RHOBTB2: variants seen among roughly 807,000 people sequenced by gnomAD.
The protein encoded by RHOBTB2 is rho-related BTB domain-containing protein 2.
In RHOBTB2, 39 loss-of-function variants were observed where a neutral mutation model predicts 66.5. The ratio of observed to expected loss-of-function variants is 0.59; its 90% confidence interval spans 0.45 to 0.77. The LOEUF (loss-of-function observed/expected upper bound fraction) is 0.77. Among genes scored for constraint, RHOBTB2 ranks in the 30% least tolerant of loss-of-function variants. RHOBTB2 has a pLI of 0.00. For synonymous variants in RHOBTB2, 390 were observed against 395.0 expected, an observed-to-expected ratio of 0.99 and a Z score of 0.15; for missense variants, 755 against 999.1, an observed-to-expected ratio of 0.76 and a Z score of 3.29.
At chr8:22,968,182 A>G in the RHOBTB2 span, among the ~76,000 whole-genome samples, 6 of 152,160 alleles carry the variant, frequency 3.9e-5, no homozygotes, top group African/African-American at 1.4e-4. Context: ...TTAAAATGGT[A>G]AGTTTTATGT....
chr8:23,011,149 G>C (rs954609893), intron 7 of RHOBTB2, among the ~76,000 whole-genome samples: 4 of 152,206 alleles, frequency 2.6e-5, no homozygotes, highest in East Asian at 1.9e-4. Flanking sequence ...AGCTACTCGG[G>C]AGGCTGAGGC....
intron 1 of RHOBTB2, among the ~76,000 whole-genome samples, chr8:22,988,070 C>A (rs771693735): frequency 2.0e-5 from 3 of 152,108 alleles, no homozygotes; most frequent in Non-Finnish European, 2.9e-5. Flanking sequence ...AAAGGGCCGC[C>A]TAGGCCCTCA....
At position 23,004,739 on chromosome 8, in the gene RHOBTB2, A is replaced by C. The variant is rs1810897409; in HGVS notation, c.192+113A>C. ...CTCACGGGAGCCCTCTAGGGGTGGG[A>C]CAGGATGGGTTGGGGGCAGCTGAAG... On this transcript the variant is annotated intron_variant, in intron 2 of 9. Transcript: ENST00000251822. The surrounding 1 kb of genome is among the most constrained non-coding windows in gnomAD (Gnocchi z 6.4). 9.6e-7 allele frequency: 1 copy of C among 1,044,672 alleles called. No individual in the cohort carries two copies. 64.7% of individuals were successfully genotyped at this position (1,044,672 alleles called of 1,614,324 possible).
At chr8:23,011,538 G>C (rs775315026) in intron 7 of RHOBTB2, among the ~76,000 whole-genome samples, 1 of 152,178 alleles carries the variant, frequency 6.6e-6, no homozygotes, top group Non-Finnish European at 1.5e-5. Flanking sequence ...TCAGCTTTTA[G>C]TGTGGACAAA....
At chr8:22,982,310 T>C in the RHOBTB2 span, among the ~76,000 whole-genome samples, 1 of 152,196 alleles carries the variant, frequency 6.6e-6, no homozygotes, top group Non-Finnish European at 1.5e-5. Flanking sequence ...AATAGTCTTC[T>C]TGCCACTCCT....
chr8:22,964,470 A>G, the RHOBTB2 span, among the ~76,000 whole-genome samples: 1 of 152,284 alleles, frequency 6.6e-6, no homozygotes, highest in East Asian at 1.9e-4. Context: ...AAGACCATTT[A>G]TTGTGCTATT....
chr8:23,007,777 T>C (rs1283198354), intron 5 of RHOBTB2, 31 bp downstream of exon 5: 1 of 1,603,586 alleles, frequency 6.2e-7, no homozygotes, highest in Non-Finnish European at 8.5e-7. Context: ...GCAAGGGGGT[T>C]CTGCATTGGT....
At chr8:22,995,667 T>G (rs143236548), upstream of RHOBTB2, among the ~76,000 whole-genome samples, 52 of 152,300 alleles carry the variant, frequency 3.4e-4, no homozygotes, top group African/African-American at 1.2e-3. Flanking sequence ...GCTTTCCAGA[T>G]TCAGCTCCTT....
At chr8:22,977,878 C>G in the RHOBTB2 span, 1 of 151,900 alleles carries the variant, frequency 6.6e-6, no homozygotes, top group Non-Finnish European at 1.5e-5. Context: ...AGGAGTAATG[C>G]CAGGCATGGT....
At chr8:22,977,693 A>G in the RHOBTB2 span, among the ~76,000 whole-genome samples, 5 of 152,232 alleles carry the variant, frequency 3.3e-5, no homozygotes, top group East Asian at 7.7e-4. Flanking sequence ...TGATAGTAGT[A>G]TTAGGCAACT....
the RHOBTB2 span, among the ~76,000 whole-genome samples, chr8:22,959,102 A>C: frequency 6.6e-6 from 1 of 152,246 alleles, no homozygotes; most frequent in Non-Finnish European, 1.5e-5. Flanking sequence ...TAGGGGATGT[A>C]TCAGAGGCAT....
chr8:22,970,468 G>C, the RHOBTB2 span, among the ~76,000 whole-genome samples: 1 of 152,142 alleles, frequency 6.6e-6, no homozygotes. Context: ...GCTGGGCATT[G>C]TGCATGCCTG....
chr8:22,995,342 G>C (rs1305685405), upstream of RHOBTB2, among the ~76,000 whole-genome samples: 1 of 152,220 alleles, frequency 6.6e-6, no homozygotes, highest in African/African-American at 2.4e-5. Flanking sequence ...GTCCCAGGGA[G>C]TTCTCAGTAC....
At chr8:22,976,892 C>T in the RHOBTB2 span, among the ~76,000 whole-genome samples, 1 of 151,844 alleles carries the variant, frequency 6.6e-6, no homozygotes, top group African/African-American at 2.4e-5. Flanking sequence ...TCCCAAAGTG[C>T]TAGGATTACA....
intron 1 of RHOBTB2, 148 bp downstream of exon 1, chr8:23,000,253 C>G (rs1193737364): frequency 2.4e-6 from 1 of 412,682 alleles, no homozygotes; most frequent in Non-Finnish European, 3.3e-6. Context: ...CTGGGTACAG[C>G]GGGGCTGGAG....
At chr8:23,013,775 C>T (rs1811213980) in intron 7 of RHOBTB2, among the ~76,000 whole-genome samples, 1 of 152,212 alleles carries the variant, frequency 6.6e-6, no homozygotes, top group South Asian at 2.1e-4. Flanking sequence ...GGAGTATAGG[C>T]GTGAGCCACC....
chr8:23,014,092 T>A (rs1043992153), intron 7 of RHOBTB2, among the ~76,000 whole-genome samples: 1 of 152,222 alleles, frequency 6.6e-6, no homozygotes, highest in Non-Finnish European at 1.5e-5. Context: ...ATGACTGTTG[T>A]TTCTAGGTCT....
chr8:22,965,116 G>T, the RHOBTB2 span, among the ~76,000 whole-genome samples: 15 of 151,932 alleles, frequency 9.9e-5, no homozygotes, highest in Non-Finnish European at 1.5e-5. Flanking sequence ...CACATCTGGC[G>T]TAGTAATTAG....
chr8:22,994,676 A>C (rs990865874), upstream of RHOBTB2: 13 of 1,503,478 alleles, frequency 8.6e-6, no homozygotes, highest in African/African-American at 1.8e-4. Flanking sequence ...TCCCTTCCCA[A>C]ACATTGATTC....
Sources: gnomAD v4.1 joint callset for allele counts (sites outside exome capture counted in the v4.1 genomes callset) on GRCh38, gnomAD v4.1.1 for gene constraint, Gnocchi (gnomAD v3.1) non-coding constraint, MANE v1.5 for transcripts, NCBI Gene and HGNC (gene_info 2026-07-23, HGNC 2026-07-21) for gene names.